The following CCNY variants were observed in gnomAD, a reference collection of about 807,000 sequenced individuals.
CCNY encodes cyclin-Y.
CCNY carries 19 observed loss-of-function variants against 42.8 expected under a neutral mutation model. That is an observed-to-expected ratio of 0.44 (90% confidence interval 0.31 to 0.65). The LOEUF (loss-of-function observed/expected upper bound fraction) is 0.65, where lower values mean the gene tolerates loss of function less well. Ranked by LOEUF, CCNY falls within the 30% of genes least tolerant of loss-of-function variation. The pLI, the probability that CCNY is intolerant of heterozygous loss-of-function variation, is 0.07. For synonymous variants in CCNY, 165 were observed against 162.7 expected (o/e 1.01, Z -0.11); for missense variants, 370 against 437.3 (o/e 0.85, Z 1.37).
chr10:35,438,063 G>A (rs890641653), intron 1 of CCNY, among the ~76,000 whole-genome samples: 2 of 151,908 alleles, frequency 1.3e-5, no homozygotes, highest in African/African-American at 4.8e-5. Flanking sequence ...GTCTCTGCAT[G>A]CGTATTTATC....
chr10:35,475,405 T>A (rs1839485122), intron 1 of CCNY, among the ~76,000 whole-genome samples: 1 of 151,886 alleles, frequency 6.6e-6, no homozygotes, highest in Admixed American at 6.5e-5. Flanking sequence ...CGGGTTACCC[T>A]CAAAGGGAAG....
intron 1 of CCNY, among the ~76,000 whole-genome samples, chr10:35,419,758 A>G (rs957531151): frequency 3.9e-5 from 6 of 152,072 alleles, no homozygotes; most frequent in Admixed American, 3.3e-4. Flanking sequence ...TTACGTAAAT[A>G]TATGTGTGCA....
intron 3 of CCNY, among the ~76,000 whole-genome samples, chr10:35,270,870 C>T (rs897929385): frequency 3.4e-4 from 51 of 151,618 alleles, no homozygotes; most frequent in Admixed American, 3.1e-3. Flanking sequence ...GGACTACAGG[C>T]GCCCGCCACC....
At chr10:35,248,872 G>T (rs2095709927) in intron 2 of CCNY, among the ~76,000 whole-genome samples, 1 of 152,096 alleles carries the variant, frequency 6.6e-6, no homozygotes. Flanking sequence ...CTAACACTTT[G>T]GTTTCCTCAG....
intron 5 of CCNY, among the ~76,000 whole-genome samples, chr10:35,529,118 G>A (rs1840711258): frequency 1.3e-5 from 2 of 152,312 alleles, no homozygotes; most frequent in East Asian, 1.9e-4. Flanking sequence ...AAGTGGTTCT[G>A]TGCACGTACC....
At chr10:35,556,013 G>A (rs929352412) in intron 8 of CCNY, among the ~76,000 whole-genome samples, 4 of 152,114 alleles carry the variant, frequency 2.6e-5, no homozygotes, top group Admixed American at 6.5e-5. Flanking sequence ...TAGGATTGAT[G>A]TTAAAACTCT....
chr10:35,326,309 A>C (rs895525659), intron 3 of CCNY, among the ~76,000 whole-genome samples: 7 of 152,152 alleles, frequency 4.6e-5, no homozygotes, highest in African/African-American at 1.7e-4. Flanking sequence ...ATGAAAAGGC[A>C]CAGGAAAATG....
rs1398766349 is a variant in CCNY, at chr10:35,307,770, G to A, written c.-9+57144G>A. 2.0e-3 allele frequency among the ~76,000 whole-genome samples: 142 copies of A among 71,846 alleles called. 2 individuals are homozygous for A. The highest frequency in any genetic ancestry group is 8.3e-3 in the African/African-American group (107 of 12,962). The allele number at this position is 71,846 out of a possible 152,430, so 47.1% of individuals were successfully genotyped here. ...TATTGATGTGTATATATGTGTGTGTGTGTGTGTGTGTGTGTGTGTGTGTGT... is the reference window on the plus strand; with the variant it reads ...TATTGATGTGTATATATGTGTGTGTATGTGTGTGTGTGTGTGTGTGTGTGT... On this transcript the variant is annotated intron_variant, in intron 3 of 11. Transcript: ENST00000374706.
At chr10:35,392,255 G>A (rs928813982) in intron 1 of CCNY, among the ~76,000 whole-genome samples, 3 of 152,134 alleles carry the variant, frequency 2.0e-5, no homozygotes, top group Non-Finnish European at 4.4e-5. Flanking sequence ...TAACTCATTT[G>A]AAAGAAATTT....
chr10:35,462,447 C>A (rs1319588834), intron 1 of CCNY, among the ~76,000 whole-genome samples: 1 of 152,212 alleles, frequency 6.6e-6, no homozygotes, highest in African/African-American at 2.4e-5. Flanking sequence ...CCATTATGAT[C>A]TGAGAAGATC....
At chr10:35,390,818 T>G (rs371637987) in intron 1 of CCNY, among the ~76,000 whole-genome samples, 2 of 152,240 alleles carry the variant, frequency 1.3e-5, no homozygotes, top group African/African-American at 4.8e-5. Flanking sequence ...ATTATTATTT[T>G]TAATGACATG....
intron 7 of CCNY, among the ~76,000 whole-genome samples, chr10:35,533,504 TC>T: frequency 6.6e-6 from 1 of 152,282 alleles, no homozygotes; most frequent in Non-Finnish European, 1.5e-5. Flanking sequence ...CCTCGGGACT[TC>T]TGCACCTCAG....
intron 3 of CCNY, among the ~76,000 whole-genome samples, chr10:35,254,866 A>G (rs1325605146): frequency 6.6e-6 from 1 of 151,324 alleles, no homozygotes; most frequent in Admixed American, 6.6e-5. Context: ...GAAAAAAAGA[A>G]AAAAAAAGGT....
intron 1 of CCNY, among the ~76,000 whole-genome samples, chr10:35,464,644 G>A (rs1044694602): frequency 1.3e-4 from 19 of 151,610 alleles, no homozygotes; most frequent in Non-Finnish European, 1.9e-4. Flanking sequence ...TTGTTAGCCT[G>A]GGTAACTAAC....
At chr10:35,320,167 AATACCTCACTGAATACAGT>A (rs372381518) in intron 3 of CCNY, among the ~76,000 whole-genome samples, 8,048 of 152,196 alleles carry the variant, frequency 0.053, 308 homozygotes, top group African/African-American at 0.11. Flanking sequence ...CATTGAAAGG[AATACCTCACTGAATACAGT>A]ATACCTCACT....
intron 3 of CCNY, among the ~76,000 whole-genome samples, chr10:35,512,161 G>A (rs1840337480): frequency 6.6e-6 from 1 of 152,186 alleles, no homozygotes. Flanking sequence ...CAAAATTCAA[G>A]AATATTTTGT....
intron 1 of CCNY, among the ~76,000 whole-genome samples, chr10:35,454,062 G>A (rs1300119142): frequency 1.3e-5 from 2 of 152,188 alleles, no homozygotes; most frequent in African/African-American, 2.4e-5. Context: ...GACAGGCGGC[G>A]AATCCAGAGG....
At chr10:35,435,231 C>A (rs1838503295) in intron 1 of CCNY, among the ~76,000 whole-genome samples, 1 of 152,174 alleles carries the variant, frequency 6.6e-6, no homozygotes, top group Non-Finnish European at 1.5e-5. Flanking sequence ...TCTGCCAGGG[C>A]CTTCAGTAGC....
chr10:35,342,634 T>C (rs1413231254), intron 1 of CCNY, among the ~76,000 whole-genome samples: 1 of 152,196 alleles, frequency 6.6e-6, no homozygotes, highest in African/African-American at 2.4e-5. Context: ...AGATCATGGA[T>C]GATGGTAGTA....
Sources: gnomAD v4.1 joint callset for allele counts (sites outside exome capture counted in the v4.1 genomes callset) on GRCh38, gnomAD v4.1.1 for gene constraint, MANE v1.5 for transcripts, NCBI Gene and HGNC (gene_info 2026-07-23, HGNC 2026-07-21) for gene names.